Variants in TMEM132D observed in about 807,000 individuals in gnomAD.
The protein encoded by TMEM132D is transmembrane protein 132D.
A neutral mutation model predicts 62.3 loss-of-function variants in TMEM132D; 21 were observed. That is an observed-to-expected ratio of 0.34 (90% CI 0.24 to 0.49). TMEM132D has a LOEUF of 0.49. TMEM132D is among the 20% of genes least tolerant of loss of function. The pLI is 0.99. For synonymous variants in TMEM132D, 621 were observed against 575.6 expected (o/e 1.08, Z -1.13); for missense variants, 1,346 against 1,402.8 (o/e 0.96, Z 0.65).
At chr12:129,381,634 A>G (rs1870955312) in intron 3 of TMEM132D, among the ~76,000 whole-genome samples, 1 of 152,178 alleles carries the variant, frequency 6.6e-6, no homozygotes, top group African/African-American at 2.4e-5. Flanking sequence ...GATTCCACGC[A>G]GTCTGACTCA....
In TMEM132D at chr12:129,799,134, A is replaced by G. The variant is rs554882227; in HGVS notation, c.80-98436T>C. On this transcript the variant is annotated intron_variant, in intron 1 of 8. Coordinates refer to ENST00000422113, the MANE Select transcript of TMEM132D (RefSeq NM_133448.3). ...ACAAAAATTAGCTGGGTGTGGTGGCAGGCGCCTGTAATCCCAACTACTCAG... is the reference window on the plus strand; with the variant it reads ...ACAAAAATTAGCTGGGTGTGGTGGCGGGCGCCTGTAATCCCAACTACTCAG... Among the ~76,000 whole-genome samples the G allele has an allele frequency of 3.3e-5, 5 of 151,982 alleles. No individual in the cohort carries two copies. The South Asian group carries it at 6.3e-4, about 19-fold the overall frequency.
intron 1 of TMEM132D, among the ~76,000 whole-genome samples, chr12:129,879,181 G>A (rs1010740183): frequency 2.0e-5 from 3 of 152,182 alleles, no homozygotes; most frequent in African/African-American, 7.2e-5. Flanking sequence ...CCAGACATAA[G>A]AGTTTGTGTT....
chr12:129,168,841 C>A (rs940212981), intron 5 of TMEM132D, among the ~76,000 whole-genome samples: 5 of 152,244 alleles, frequency 3.3e-5, no homozygotes, highest in African/African-American at 9.6e-5. Flanking sequence ...TTGAGAACCG[C>A]TGACCTAACT....
At chr12:129,882,841 T>C (rs776389705) in intron 1 of TMEM132D, among the ~76,000 whole-genome samples, 20 of 152,152 alleles carry the variant, frequency 1.3e-4, no homozygotes, top group Non-Finnish European at 2.6e-4. Context: ...ATGAAAAAAA[T>C]ACTCTCAGCA....
intron 2 of TMEM132D, among the ~76,000 whole-genome samples, chr12:129,641,849 C>A (rs1348127675): frequency 6.6e-6 from 1 of 152,156 alleles, no homozygotes; most frequent in East Asian, 1.9e-4. Context: ...AGTCCTGCAG[C>A]AGCGCATCTG....
rs113121294 is a variant in TMEM132D, at chr12:129,092,177, A to T, written c.1444-7475T>A. Among the ~76,000 whole-genome samples, 1,395 of 152,310 alleles carry T rather than the reference A, an allele frequency of 9.2e-3. 30 individuals carry two copies. Among genetic ancestry groups the T allele is most frequent in the African/African-American group, 0.031 (1,283 of 41,560 alleles). On this transcript the variant is annotated intron_variant, in intron 5 of 8. Coordinates refer to ENST00000422113, the MANE Select transcript of TMEM132D (RefSeq NM_133448.3). ...AATATTTCTGACTCTGGTGTGCATA[A>T]TCCGGCACTTATGTGAATTTAATGC...
chr12:129,162,240 A>G (rs1452280351), intron 5 of TMEM132D, among the ~76,000 whole-genome samples: 1 of 152,192 alleles, frequency 6.6e-6, no homozygotes, highest in Non-Finnish European at 1.5e-5. Context: ...GAGAGCTTGC[A>G]TGCTCCATGC....
intron 3 of TMEM132D, among the ~76,000 whole-genome samples, chr12:129,453,525 A>AT (rs1039922061): frequency 1.3e-5 from 2 of 152,230 alleles, no homozygotes; most frequent in African/African-American, 4.8e-5. Flanking sequence ...AAAGTAATTT[A>AT]TACAGGGATT....
intron 1 of TMEM132D, among the ~76,000 whole-genome samples, chr12:129,826,952 A>G (rs1872679285): frequency 6.6e-6 from 1 of 152,244 alleles, no homozygotes. Context: ...TTTTCTCAGA[A>G]GCTGACTAAA....
At chr12:129,168,918 C>A (rs1055017351) in intron 5 of TMEM132D, among the ~76,000 whole-genome samples, 2 of 152,224 alleles carry the variant, frequency 1.3e-5, no homozygotes, top group African/African-American at 4.8e-5. Flanking sequence ...GGAAGGCTGA[C>A]TGACTTCCTG....
At chr12:129,687,703 CT>C (rs2137214003) in intron 2 of TMEM132D, among the ~76,000 whole-genome samples, 1 of 152,184 alleles carries the variant, frequency 6.6e-6, no homozygotes, top group East Asian at 1.9e-4. Flanking sequence ...ATAGGCACTC[CT>C]CGCTGCAAAA....
At chr12:129,435,592 T>C (rs1414326409) in intron 3 of TMEM132D, among the ~76,000 whole-genome samples, 1 of 152,152 alleles carries the variant, frequency 6.6e-6, no homozygotes. Flanking sequence ...CATTTTCTGC[T>C]TGCCACCTCC....
At chr12:129,621,659 C>T (rs146390957) in intron 2 of TMEM132D, among the ~76,000 whole-genome samples, 229 of 152,280 alleles carry the variant, frequency 1.5e-3, no homozygotes, top group Non-Finnish European at 1.7e-3. Context: ...TTTAAAAGAG[C>T]GACATGTTAA....
At chr12:129,306,282 G>A (rs2135631448) in intron 4 of TMEM132D, among the ~76,000 whole-genome samples, 1 of 152,294 alleles carries the variant, frequency 6.6e-6, no homozygotes, top group Middle Eastern at 3.4e-3. Context: ...TATCTCATTT[G>A]TAGATGAAGA....
intron 3 of TMEM132D, among the ~76,000 whole-genome samples, chr12:129,398,264 C>T (rs1593364346): frequency 1.3e-5 from 2 of 152,172 alleles, no homozygotes; most frequent in Admixed American, 6.5e-5. Context: ...ATCATCTTTC[C>T]CTTCCTCTGA....
At chr12:129,888,489 G>A (rs1874817430) in intron 1 of TMEM132D, among the ~76,000 whole-genome samples, 1 of 152,150 alleles carries the variant, frequency 6.6e-6, no homozygotes, top group South Asian at 2.1e-4. Context: ...CCTGAGGTCA[G>A]GAGTTCAAGA....
At chr12:129,750,816 C>CT (rs1869976400) in intron 1 of TMEM132D, among the ~76,000 whole-genome samples, 1 of 151,622 alleles carries the variant, frequency 6.6e-6, no homozygotes, top group Non-Finnish European at 1.5e-5. Flanking sequence ...TTTGAAGTAG[C>CT]TAGAAGAGAG....
chr12:129,622,295 A>C (rs1351112005), intron 2 of TMEM132D, among the ~76,000 whole-genome samples: 1 of 152,224 alleles, frequency 6.6e-6, no homozygotes, highest in Non-Finnish European at 1.5e-5. Flanking sequence ...CGATGACGAG[A>C]AGATGACGTT....
At chr12:129,826,225 C>T (rs1370894341) in intron 1 of TMEM132D, among the ~76,000 whole-genome samples, 1 of 152,196 alleles carries the variant, frequency 6.6e-6, no homozygotes, top group African/African-American at 2.4e-5. Context: ...CAGGATACAG[C>T]CTCCATCGGC....
Sources: gnomAD v4.1 joint callset for allele counts (sites outside exome capture counted in the v4.1 genomes callset) on GRCh38, gnomAD v4.1.1 for gene constraint, MANE v1.5 for transcripts, NCBI Gene and HGNC (gene_info 2026-07-23, HGNC 2026-07-21) for gene names.